The following CCND1 variants were observed in gnomAD, a reference collection of about 807,000 sequenced individuals.
CCND1 encodes the protein cyclin D1.
Under a neutral mutation model 26.1 loss-of-function variants are expected in CCND1, and 9 were observed. The ratio of observed to expected loss-of-function variants is 0.35; its 90% CI spans 0.21 to 0.60. The LOEUF (loss-of-function observed/expected upper bound fraction) is 0.60. CCND1 is among the 20% of genes least tolerant of loss of function. CCND1 has a pLI of 0.79. For missense variants in CCND1, 335 were observed against 392.9 expected (o/e 0.85, Z 1.25); for synonymous variants, 194 against 166.1 (o/e 1.17, Z -1.29).
rs753296773 is a variant in CCND1 at position 69,643,847 on chromosome 11, C to G, written c.430C>G (p.Leu144Val). 7 of 1,610,380 alleles carry G rather than the reference C, an allele frequency of 4.3e-6. No individual in the cohort carries two copies. The South Asian group carries it at 6.6e-5, about 15-fold the overall frequency. Reference protein sequence around the residue: ...PEELLQMELLLVNKLKWNLAA... With the variant: ...PEELLQMELLVVNKLKWNLAA... ...GTGTTCGCAGCAAATGGAGCTGCTC[C>G]TGGTGAACAAGCTCAAGTGGAACCT... The change falls in exon 3 of 5, where the codon CTG (leucine) becomes GTG (valine). Residue 144 changes from leucine (L) to valine (V), a missense_variant. By Grantham distance (32) the Leu-to-Val change is conservative (BLOSUM62 1). Transcript: ENST00000227507.
rs1855888624 is a variant in CCND1 at position 69,653,927 on chromosome 11, T to A, written c.*2645T>A. On this transcript the variant is annotated 3_prime_UTR_variant, in exon 5 of 5. Coordinates refer to ENST00000227507, the MANE Select transcript of CCND1 (RefSeq NM_053056.3). ...TACTAGTGTTCTGTTTGTTATTGTT[T>A]TGTTAATTACACCATAATGCTAATT... 2 of 542,146 alleles carry A rather than the reference T, an allele frequency of 3.7e-6. No homozygotes were observed. Among genetic ancestry groups the A allele is most frequent in the African/African-American group, 3.8e-5 (2 of 53,202 alleles). The allele number at this position is 542,146 out of a possible 1,614,324, so 33.6% of individuals were successfully genotyped here. A position where few individuals can be genotyped will look rare whatever the true frequency, so the allele number is the denominator to read the frequency against.
intron 3 of CCND1, among the ~76,000 whole-genome samples, chr11:69,645,917 A>C (rs1361706957): frequency 6.6e-6 from 1 of 152,182 alleles, no homozygotes; most frequent in Admixed American, 6.5e-5. Flanking sequence ...GTGGGAGGCC[A>C]GGTGAGGAAC....
chr11:69,651,207 C>G lies in CCND1; in HGVS notation c.813C>G (p.Ala271=), dbSNP rs550366076. 4 of 1,606,062 alleles carry G rather than the reference C, an allele frequency of 2.5e-6. No individual in the cohort carries two copies. In the African/African-American group the frequency reaches 5.4e-5, roughly 22 times the overall value. The stretch of plus-strand genomic sequence containing the variant: ...AGCAGAACATGGACCCCAAGGCCGC[C>G]GAGGAGGAGGAAGAGGAGGAGGAGG... ...QAQQNMDPKA[A]EEEEEEEEEV... is the part of the protein sequence containing the mutation. Residue 271 remains alanine (A), a synonymous_variant, in exon 5 of 5, where the codon GCC becomes GCG. Coordinates refer to ENST00000227507, the MANE Select transcript of CCND1 (RefSeq NM_053056.3).
At chr11:69,650,035 T>C (rs1855834982) in intron 4 of CCND1, among the ~76,000 whole-genome samples, 1 of 152,180 alleles carries the variant, frequency 6.6e-6, no homozygotes, top group Non-Finnish European at 1.5e-5. Context: ...GTGACCTCAG[T>C]GGTCCACCTA....
Position 69,654,116 on chromosome 11 carries a change from GCCCACCCCGC to G in CCND1, c.*2843_*2852del, listed in dbSNP as rs1228535482. On this transcript the variant is annotated 3_prime_UTR_variant, in exon 5 of 5. Transcript: ENST00000227507. This position sits in a 1 kb window ranked among gnomAD's most constrained non-coding sequence, Gnocchi z 6.3. The stretch of plus-strand genomic sequence containing the variant: ...TGCTCGGAGGCCATCTCGGGCACAG[GCCCACCCCGC>G]CCCACCCCTCCAGAACACGGCTCAC... 1 of 645,622 alleles carries G rather than the reference GCCCACCCCGC, an allele frequency of 1.5e-6. No homozygotes were observed. The highest frequency in any genetic ancestry group is 1.8e-5 in the African/African-American group (1 of 56,160). 40.0% of individuals were successfully genotyped at this position (645,622 alleles called of 1,614,324 possible).
intron 3 of CCND1, among the ~76,000 whole-genome samples, chr11:69,645,016 G>C (rs1855761262): frequency 6.6e-6 from 1 of 152,204 alleles, no homozygotes; most frequent in South Asian, 2.1e-4. Flanking sequence ...GACACCGGTA[G>C]CCCGCAGCCG....
In CCND1 at chr11:69,651,896, C is replaced by T. The variant is rs1855860652; in HGVS notation, c.*614C>T. ...ATAAGTCATTGTATGTTATTATATT[C>T]CGTAGGTAGATGTGTAACCTCTTCA... On this transcript the variant is annotated 3_prime_UTR_variant, in exon 5 of 5. Coordinates refer to ENST00000227507, the MANE Select transcript of CCND1 (RefSeq NM_053056.3). 1 of 232,806 alleles carries T rather than the reference C, an allele frequency of 4.3e-6. No homozygotes were observed. The highest frequency in any genetic ancestry group is 2.2e-5 in the African/African-American group (1 of 45,278). The allele number at this position is 232,806 out of a possible 1,614,324, so 14.4% of individuals were successfully genotyped here.
chr11:69,648,415 CGGAGGCCCCA>C (rs1565072913), intron 4 of CCND1, among the ~76,000 whole-genome samples: 1 of 152,208 alleles, frequency 6.6e-6, no homozygotes, highest in Non-Finnish European at 1.5e-5. Flanking sequence ...GCGTCCGGGA[CGGAGGCCCCA>C]GGCGGCCCCA....
chr11:69,649,155 G>A (rs1013935732), intron 4 of CCND1, among the ~76,000 whole-genome samples: 1 of 152,196 alleles, frequency 6.6e-6, no homozygotes, highest in East Asian at 1.9e-4. Context: ...CCAGCAGCCC[G>A]CAGCTCTCTC....
intron 3 of CCND1, among the ~76,000 whole-genome samples, chr11:69,645,750 A>G (rs949121058): frequency 2.0e-5 from 3 of 152,144 alleles, no homozygotes; most frequent in African/African-American, 7.2e-5. Context: ...GAGTCTAGGA[A>G]GGTGTTTTTG....
chr11:69,645,434 A>T (rs1312889822), intron 3 of CCND1, among the ~76,000 whole-genome samples: 1 of 152,106 alleles, frequency 6.6e-6, no homozygotes, highest in Admixed American at 6.5e-5. Flanking sequence ...CGTCCTTCCC[A>T]CTACTGCACA....
chr11:69,653,433 T>TA lies in CCND1; in HGVS notation c.*2152dup, dbSNP rs1159132833. On this transcript the variant is annotated 3_prime_UTR_variant, in exon 5 of 5. Coordinates refer to ENST00000227507, the MANE Select transcript of CCND1 (RefSeq NM_053056.3). ...CCTTTTTTGTAGTTTTTTTTTTTTT[T>TA]ATGTGATCAATTTTGACTTAATGTG... 4 of 625,728 alleles carry TA rather than the reference T, an allele frequency of 6.4e-6. No homozygotes were observed. The African/African-American group carries it at 7.6e-5, about 12-fold the overall frequency. 38.8% of individuals were successfully genotyped at this position (625,728 alleles called of 1,614,324 possible).
chr11:69,647,944 T>G, intron 3 of CCND1, 50 bp from the exon 4 acceptor site: 1 of 1,605,590 alleles, frequency 6.2e-7, no homozygotes. Context: ...ACGGGGGCCC[T>G]GAGAGGGTCC....
At position 69,651,101 on chromosome 11, in the gene CCND1, C is replaced by A. The variant is rs1345608605; in HGVS notation, c.724-17C>A. The A allele has an allele frequency of 6.2e-7, 1 of 1,609,512 alleles. No individual in the cohort carries two copies. The highest frequency in any genetic ancestry group is 8.5e-7 in the Non-Finnish European group (1 of 1,177,980). ...AGGACCCCCTCTTCCCACCTCTCCC[C>A]ACCCTCTCTCTCTCAGGACTGCCTC... is the stretch of plus-strand genomic sequence containing the variant. On this transcript the variant is annotated splice_polypyrimidine_tract_variant and intron_variant, in intron 4 of 4. Transcript: ENST00000227507.
chr11:69,653,514 G>C lies in CCND1; in HGVS notation c.*2232G>C. The C allele has an allele frequency of 3.5e-6, 2 of 565,022 alleles. No homozygotes were observed. The highest frequency in any genetic ancestry group is 6.2e-6 in the Non-Finnish European group (2 of 323,758). 35.0% of individuals were successfully genotyped at this position (565,022 alleles called of 1,614,324 possible). A position where few individuals can be genotyped will look rare whatever the true frequency, so the allele number is the denominator to read the frequency against. ...TTCACAATACCTCATGCTTCACTTA[G>C]CCATGGTGGACCCAGCGGGCAGGTT... is the stretch of plus-strand genomic sequence containing the variant. On this transcript the variant is annotated 3_prime_UTR_variant, in exon 5 of 5. Transcript: ENST00000227507.
intron 1 of CCND1, 58 bp downstream of exon 1, chr11:69,641,569 C>T (rs1423436569): frequency 2.0e-6 from 3 of 1,532,278 alleles, no homozygotes; most frequent in Non-Finnish European, 2.7e-6. Context: ...CCCAGACCCA[C>T]GTTTCTTTGC....
Position 69,654,251 on chromosome 11 carries a change from A to G in CCND1, c.*2969A>G, listed in dbSNP as rs1204383584. ...GATGGGGCAAGGGCACAAGTCCTGG[A>G]TGTTGTGTGTATCGAGAGGCCAAAG... is the stretch of plus-strand genomic sequence containing the variant. On this transcript the variant is annotated 3_prime_UTR_variant, in exon 5 of 5. Coordinates refer to ENST00000227507, the MANE Select transcript of CCND1 (RefSeq NM_053056.3). This position sits in a 1 kb window ranked among gnomAD's most constrained non-coding sequence, Gnocchi z 6.3. 2 of 702,232 alleles carry G rather than the reference A, an allele frequency of 2.8e-6. No individual in the cohort carries two copies. The highest frequency in any genetic ancestry group is 5.2e-6 in the Non-Finnish European group (2 of 384,970). The allele number at this position is 702,232 out of a possible 1,614,324, so 43.5% of individuals were successfully genotyped here.
intron 4 of CCND1, 92 bp downstream of exon 4, chr11:69,648,234 C>T: frequency 6.7e-7 from 1 of 1,485,600 alleles, no homozygotes; most frequent in Admixed American, 1.8e-5. Context: ...TGCCAAGGCC[C>T]CCAAGGGTGA....
chr11:69,641,858 G>T (rs1855707271), intron 1 of CCND1, among the ~76,000 whole-genome samples: 1 of 152,074 alleles, frequency 6.6e-6, no homozygotes, highest in Non-Finnish European at 1.5e-5. Flanking sequence ...GCCCGGCTGC[G>T]CCTCAGCGGC....
Sources: allele counts gnomAD v4.1 joint callset (sites outside exome capture counted in the v4.1 genomes callset), GRCh38; gene constraint gnomAD v4.1.1; non-coding constraint Gnocchi (gnomAD v3.1); transcripts MANE v1.5; gene names NCBI Gene and HGNC (gene_info 2026-07-23, HGNC 2026-07-21).